The following NOL10 variants were observed in gnomAD, a reference collection of about 807,000 sequenced individuals.
The protein encoded by NOL10 is H_NH0074G24.1.
In NOL10, 58 loss-of-function variants were observed where a neutral mutation model predicts 103.5. The ratio of observed to expected loss-of-function variants is 0.56; its 90% CI spans 0.45 to 0.70. NOL10 has a LOEUF of 0.70. Ranked by LOEUF, NOL10 falls within the 30% of genes least tolerant of loss-of-function variation. The pLI is 0.00. For synonymous variants in NOL10, 287 were observed against 282.5 expected (o/e 1.02, Z -0.16); for missense variants, 763 against 807.3 (o/e 0.95, Z 0.67).
intron 5 of NOL10, 65 bp from the exon 6 acceptor site, chr2:10,671,755 TA>T: frequency 7.8e-7 from 1 of 1,288,580 alleles, no homozygotes; most frequent in Non-Finnish European, 1.1e-6. Context: ...TCATTATCGC[TA>T]AAAAACTGGC....
chr2:10,674,046 G>GAA (rs34557815), intron 4 of NOL10, among the ~76,000 whole-genome samples: 50 of 143,296 alleles, frequency 3.5e-4, no homozygotes, highest in African/African-American at 9.9e-4. Context: ...CTATGGGAAA[G>GAA]AAAAAAAAAA....
At chr2:10,575,841 G>A (rs755010966) in intron 20 of NOL10, among the ~76,000 whole-genome samples, 1 of 152,164 alleles carries the variant, frequency 6.6e-6, no homozygotes, top group Non-Finnish European at 1.5e-5. Context: ...ATGTTTCCAG[G>A]TATAAAGAAA....
At chr2:10,581,906 T>G (rs371615139) in intron 19 of NOL10, among the ~76,000 whole-genome samples, 7 of 152,226 alleles carry the variant, frequency 4.6e-5, no homozygotes, top group Admixed American at 3.9e-4. Flanking sequence ...CATACGGGAA[T>G]GAATGCATTT....
chr2:10,599,702 G>A (rs901873608), intron 17 of NOL10, among the ~76,000 whole-genome samples: 1 of 152,192 alleles, frequency 6.6e-6, no homozygotes, highest in African/African-American at 2.4e-5. Flanking sequence ...ATGAGGGGAT[G>A]CAGGGAAAGA....
At chr2:10,659,999 C>T (rs1680091528) in intron 9 of NOL10, among the ~76,000 whole-genome samples, 1 of 152,094 alleles carries the variant, frequency 6.6e-6, no homozygotes, top group African/African-American at 2.4e-5. Flanking sequence ...TCTCACATAC[C>T]AACCAAGACA....
At chr2:10,593,792 G>C (rs148828143) in intron 17 of NOL10, among the ~76,000 whole-genome samples, 3 of 152,232 alleles carry the variant, frequency 2.0e-5, no homozygotes, top group African/African-American at 7.2e-5. Context: ...TGGCACATGG[G>C]GGTGAGGTGC....
chr2:10,659,273 T>G, intron 9 of NOL10, 23 bp from the exon 10 acceptor site: 1 of 1,349,734 alleles, frequency 7.4e-7, no homozygotes, highest in South Asian at 1.2e-5. Context: ...ATATTCATGC[T>G]TCATGAATAT....
chr2:10,632,008 A>C (rs1677882747), intron 13 of NOL10, among the ~76,000 whole-genome samples: 1 of 152,182 alleles, frequency 6.6e-6, no homozygotes, highest in Non-Finnish European at 1.5e-5. Context: ...GTAGTAGCAG[A>C]AAAGGGCAAA....
chr2:10,674,439 T>C (rs73915077), intron 4 of NOL10, among the ~76,000 whole-genome samples: 16,765 of 152,120 alleles, frequency 0.11, 1,087 homozygotes, highest in Admixed American at 0.17. Flanking sequence ...TATAACCCCC[T>C]TCCCTTGAGA....
At chr2:10,581,630 C>G (rs1674760412) in intron 19 of NOL10, among the ~76,000 whole-genome samples, 2 of 152,108 alleles carry the variant, frequency 1.3e-5, no homozygotes, top group Non-Finnish European at 1.5e-5. Context: ...AGTTCAACAC[C>G]AGTCTGGGCA....
chr2:10,676,167 G>C (rs1470612830), intron 3 of NOL10, among the ~76,000 whole-genome samples: 2 of 152,196 alleles, frequency 1.3e-5, no homozygotes, highest in African/African-American at 4.8e-5. Context: ...TTAAAAAACG[G>C]TTAATATCTG....
chr2:10,653,194 CAA>C (rs761230128), intron 12 of NOL10, among the ~76,000 whole-genome samples: 22 of 84,924 alleles, frequency 2.6e-4, no homozygotes, highest in Non-Finnish European at 2.2e-4. Context: ...GACTCCAACT[CAA>C]AAAAAAAAAA....
intron 17 of NOL10, among the ~76,000 whole-genome samples, chr2:10,594,287 G>T (rs1675551053): frequency 6.6e-6 from 1 of 152,140 alleles, no homozygotes; most frequent in Admixed American, 6.5e-5. Context: ...TTGAGAACTT[G>T]CATGTCTGAA....
intron 1 of NOL10, among the ~76,000 whole-genome samples, chr2:10,686,344 C>T (rs538629411): frequency 3.9e-4 from 59 of 152,232 alleles, no homozygotes; most frequent in African/African-American, 1.1e-3. Flanking sequence ...CAAGGTCCTA[C>T]GGCAGGAGTG....
intron 4 of NOL10, among the ~76,000 whole-genome samples, chr2:10,674,213 G>A (rs1381006800): frequency 1.3e-5 from 2 of 150,920 alleles, no homozygotes; most frequent in East Asian, 2.0e-4. Context: ...AAAAGATCCT[G>A]TTTCTAAAAA....
chr2:10,685,286 C>T (rs771130793), intron 1 of NOL10, among the ~76,000 whole-genome samples: 1 of 151,984 alleles, frequency 6.6e-6, no homozygotes, highest in Non-Finnish European at 1.5e-5. Flanking sequence ...TTTGGGAGGC[C>T]GATTGAGACC....
chr2:10,638,118 CA>C lies in NOL10; in HGVS notation c.1026+6201del, dbSNP rs959914104. Among the ~76,000 whole-genome samples the C allele has an allele frequency of 1.3e-4, 20 of 151,942 alleles. 1 individual carries two copies. The South Asian group carries it at 4.2e-3, about 32-fold the overall frequency. On this transcript the variant is annotated intron_variant, in intron 13 of 20. Coordinates refer to ENST00000381685, the MANE Select transcript of NOL10 (RefSeq NM_024894.4). The stretch of plus-strand genomic sequence containing the variant: ...GCAACACAGTGAGATCCTCTCTCTA[CA>C]AAAAAACAGCATAAAAATTAGCTGG...
chr2:10,600,319 G>A (rs1274130541), intron 17 of NOL10, among the ~76,000 whole-genome samples: 3 of 152,166 alleles, frequency 2.0e-5, no homozygotes, highest in African/African-American at 7.2e-5. Flanking sequence ...ATAAAGGAAA[G>A]CAGGTGGAAG....
chr2:10,600,884 T>G lies in NOL10; in HGVS notation c.1391A>C (p.Lys464Thr). The G allele has an allele frequency of 4.5e-6, 7 of 1,556,692 alleles. No homozygotes were observed. Among genetic ancestry groups the G allele is most frequent in the Non-Finnish European group, 6.1e-6 (7 of 1,148,986 alleles). ...ALKLIEEEEE[K>T]QKSTWKKKVK... ...TTTCTTTTTCCATGTAGATTTCTGC[T>G]TCTCCTCTTCTTCCTCAATTAATTT... Residue 464 changes from lysine (K) to threonine (T), a missense_variant, in exon 17 of 21, where the codon AAG becomes ACG. Transcript: ENST00000381685.
Sources: gnomAD v4.1 joint callset for allele counts (sites outside exome capture counted in the v4.1 genomes callset) on GRCh38, gnomAD v4.1.1 for gene constraint, MANE v1.5 for transcripts, NCBI Gene and HGNC (gene_info 2026-07-23, HGNC 2026-07-21) for gene names.